NCOR1: variants seen among roughly 807,000 people sequenced by gnomAD.
NCOR1 encodes nuclear receptor corepressor 1, also known as protein phosphatase 1, regulatory subunit 109.
In NCOR1, 63 loss-of-function variants were observed where a neutral mutation model predicts 288.1. The ratio of observed to expected loss-of-function variants is 0.22; its 90% CI spans 0.18 to 0.27. The LOEUF (loss-of-function observed/expected upper bound fraction) is 0.27, where lower values mean the gene tolerates loss of function less well. NCOR1 is among the 10% of genes least tolerant of loss of function. The pLI, the probability that NCOR1 is intolerant of heterozygous loss-of-function variation, is 1.00. For missense variants in NCOR1, 2,397 were observed against 3,019.2 expected (o/e 0.79, Z 4.83); for synonymous variants, 1,007 against 1,065.9 (o/e 0.94, Z 1.08).
chr17:16,166,557 G>A (rs559326483), intron 4 of NCOR1, among the ~76,000 whole-genome samples: 26 of 152,040 alleles, frequency 1.7e-4, no homozygotes, highest in Non-Finnish European at 3.2e-4. Context: ...GCGGGCACCT[G>A]TAGTCCCAGT....
At chr17:16,049,162 C>A in intron 40 of NCOR1, 174 bp from the exon 41 acceptor site, 1 of 486,272 alleles carries the variant, frequency 2.1e-6, no homozygotes, top group Non-Finnish European at 3.4e-6. Context: ...AACAAACAAA[C>A]AACAACAAAA....
intron 17 of NCOR1, 34 bp from the exon 18 acceptor site, chr17:16,118,061 A>G (rs1466574619): frequency 6.3e-7 from 1 of 1,593,924 alleles, no homozygotes; most frequent in Non-Finnish European, 8.6e-7. Flanking sequence ...TGTTAATTGA[A>G]CAGTCACCTG....
chr17:16,045,264 A>G (rs947598532), intron 42 of NCOR1, among the ~76,000 whole-genome samples: 3 of 152,202 alleles, frequency 2.0e-5, no homozygotes, highest in African/African-American at 4.8e-5. Context: ...CATTAGCAAC[A>G]TGGACTCTGG....
At chr17:16,210,822 C>T (rs963857120) in intron 1 of NCOR1, among the ~76,000 whole-genome samples, 4 of 151,890 alleles carry the variant, frequency 2.6e-5, no homozygotes, top group South Asian at 2.1e-4. Flanking sequence ...CTCCGCCTCC[C>T]GGGTTCACGC....
intron 22 of NCOR1, among the ~76,000 whole-genome samples, chr17:16,088,018 C>CA (rs1404796285): frequency 6.6e-6 from 1 of 151,932 alleles, no homozygotes; most frequent in Non-Finnish European, 1.5e-5. Context: ...TTTTGAAAAT[C>CA]AAAAAAGCAC....
chr17:16,098,236 GATT>G (rs1259057447), intron 21 of NCOR1, 128 bp downstream of exon 21: 1 of 878,740 alleles, frequency 1.1e-6, no homozygotes, highest in African/African-American at 1.7e-5. Flanking sequence ...AATTGGTTAC[GATT>G]ATTAATTTCA....
At chr17:16,070,612 C>T (rs1301931477) in intron 30 of NCOR1, 87 bp from the exon 31 acceptor site, 2 of 1,518,866 alleles carry the variant, frequency 1.3e-6, no homozygotes, top group Non-Finnish European at 8.9e-7. Flanking sequence ...ATGGCAGTTA[C>T]AGTTCACTGT....
At chr17:16,085,384 G>C (rs974084894) in intron 23 of NCOR1, among the ~76,000 whole-genome samples, 6 of 152,126 alleles carry the variant, frequency 3.9e-5, no homozygotes, top group African/African-American at 1.4e-4. Context: ...CCAGGTAATT[G>C]TACAAGAAAA....
At chr17:16,046,900 T>C (rs1454404608) in intron 42 of NCOR1, 51 bp downstream of exon 42, 9 of 1,599,240 alleles carry the variant, frequency 5.6e-6, no homozygotes, top group Non-Finnish European at 6.8e-6. Flanking sequence ...ACTGGAGATA[T>C]CATTATTAAT....
intron 21 of NCOR1, among the ~76,000 whole-genome samples, chr17:16,092,647 T>TTTTATATATATA (rs1340274279): frequency 3.1e-5 from 1 of 32,134 alleles, no homozygotes; most frequent in African/African-American, 1.3e-4. Flanking sequence ...TCAGATCCAT[T>TTTTATATATATA]TATATATATA....
intron 19 of NCOR1, among the ~76,000 whole-genome samples, chr17:16,102,875 T>G (rs553631844): frequency 6.6e-6 from 1 of 152,182 alleles, no homozygotes; most frequent in South Asian, 2.1e-4. Flanking sequence ...ATTACAGACA[T>G]AGGCCACCGC....
intron 14 of NCOR1, among the ~76,000 whole-genome samples, chr17:16,129,167 G>A (rs1176068213): frequency 6.6e-6 from 1 of 152,050 alleles, no homozygotes; most frequent in Non-Finnish European, 1.5e-5. Flanking sequence ...TTTAGGTCAT[G>A]GCCATTAAAC....
chr17:16,068,134 A>G lies in NCOR1; in HGVS notation c.4514-13T>C. 1 of 1,572,616 alleles carries G rather than the reference A, an allele frequency of 6.4e-7. No individual in the cohort carries two copies. Among genetic ancestry groups the G allele is most frequent in the Non-Finnish European group, 8.7e-7 (1 of 1,150,680 alleles). On this transcript the variant is annotated splice_polypyrimidine_tract_variant and intron_variant, in intron 31 of 45. Transcript: ENST00000268712. ...GAAGAAATTGTAACTGGAAAAAAAG[A>G]GCCAATGCCACAAGTTCTTAAGAAA...
At position 16,034,951 on chromosome 17, in the gene NCOR1, G is replaced by A. The variant is rs774425995; in HGVS notation, c.6956-7C>T. On this transcript the variant is annotated splice_polypyrimidine_tract_variant and splice_region_variant and intron_variant, in intron 44 of 45. Transcript: ENST00000268712. ...TTTGGTTTGCAAACTCCTCCTGAAA[G>A]TGAAATTCAAGTTAAAGTATTAATA... 18 of 1,612,840 alleles carry A rather than the reference G, an allele frequency of 1.1e-5. No homozygotes were observed. Among genetic ancestry groups the A allele is most frequent in the Non-Finnish European group, 1.4e-5 (17 of 1,179,464 alleles).
intron 5 of NCOR1, 97 bp from the exon 6 acceptor site, chr17:16,158,970 G>T: frequency 1.4e-6 from 1 of 714,252 alleles, no homozygotes; most frequent in South Asian, 2.1e-5. Context: ...AGCTTTGCTT[G>T]CAGATTCTGT....
At chr17:16,177,045 GTTCT>G (rs1277172340) in intron 3 of NCOR1, among the ~76,000 whole-genome samples, 2 of 151,910 alleles carry the variant, frequency 1.3e-5, no homozygotes, top group African/African-American at 2.4e-5. Flanking sequence ...CTCCCTACAA[GTTCT>G]TTCTAATTGT....
intron 18 of NCOR1, among the ~76,000 whole-genome samples, chr17:16,113,341 T>C (rs2070750151): frequency 6.6e-6 from 1 of 152,126 alleles, no homozygotes; most frequent in Non-Finnish European, 1.5e-5. Context: ...GACAGCACAA[T>C]TCTCAAGGTG....
chr17:16,197,485 C>T (rs768302468), intron 1 of NCOR1, among the ~76,000 whole-genome samples: 7 of 151,978 alleles, frequency 4.6e-5, no homozygotes, highest in Non-Finnish European at 8.8e-5. Context: ...CTGTTTTTTC[C>T]CTGCTCCCTT....
rs570039807 is a variant in NCOR1, at chr17:16,130,673, CTTTTTA to C, written c.1510-4473_1510-4468del. On this transcript the variant is annotated intron_variant, in intron 14 of 45. Coordinates refer to ENST00000268712, the MANE Select transcript of NCOR1 (RefSeq NM_006311.4). ...AAAAAAGTAAAAGTTAAGTGTATTT[CTTTTTA>C]TTTTTATTTTTATTTTCATTGTGAG... Among the ~76,000 whole-genome samples, 572 of 152,152 alleles carry C rather than the reference CTTTTTA, an allele frequency of 3.8e-3. 2 individuals carry two copies. The highest frequency in any genetic ancestry group is 0.014 in the Middle Eastern group (4 of 294).
Sources: gnomAD v4.1 joint callset for allele counts (sites outside exome capture counted in the v4.1 genomes callset) on GRCh38, gnomAD v4.1.1 for gene constraint, MANE v1.5 for transcripts, NCBI Gene and HGNC (gene_info 2026-07-23, HGNC 2026-07-21) for gene names.